Variants in PKN2 observed in about 807,000 individuals in gnomAD.
PKN2 encodes protein kinase N2, also known as serine/threonine-protein kinase N2.
PKN2 carries 38 observed loss-of-function variants against 119.1 expected under a neutral mutation model. The observed-to-expected ratio is 0.32, with a 90% CI of 0.25 to 0.42. The LOEUF is 0.42. PKN2 is among the 10% of genes least tolerant of loss of function. The pLI is 1.00. For missense variants in PKN2, 850 were observed against 1,165.1 expected, an observed-to-expected ratio of 0.73 and a Z score of 3.94; for synonymous variants, 390 against 384.9, an observed-to-expected ratio of 1.01 and a Z score of -0.15.
chr1:88,770,961 C>G (rs1181958171), intron 4 of PKN2, among the ~76,000 whole-genome samples: 2 of 148,704 alleles, frequency 1.3e-5, no homozygotes, highest in Non-Finnish European at 3.0e-5. Context: ...CCTTATGTTT[C>G]AAGAAGATAT....
Position 88,784,626 on chromosome 1 carries a change from T to C in PKN2, c.986-13T>C, listed in dbSNP as rs754275146. 2 of 1,532,022 alleles carry C rather than the reference T, an allele frequency of 1.3e-6. No individual in the cohort carries two copies. The highest frequency in any genetic ancestry group is 4.7e-5 in the East Asian group (2 of 42,202). 94.9% of individuals were successfully genotyped at this position (1,532,022 alleles called of 1,614,324 possible). On this transcript the variant is annotated splice_polypyrimidine_tract_variant and intron_variant, in intron 6 of 21. Coordinates refer to ENST00000370521, the MANE Select transcript of PKN2 (RefSeq NM_006256.4). ...GGTTGATGTTCTTATCTGATATTTA[T>C]GTTTGCCAACAGGTACTTTGGAAGT...
intron 1 of PKN2, among the ~76,000 whole-genome samples, chr1:88,697,529 T>A (rs1343267970): frequency 1.3e-5 from 2 of 152,196 alleles, no homozygotes; most frequent in Non-Finnish European, 2.9e-5. Context: ...ATGATTATAA[T>A]ATCTTGATAT....
chr1:88,810,267 T>G (rs1187752517), intron 15 of PKN2, among the ~76,000 whole-genome samples: 1 of 151,942 alleles, frequency 6.6e-6, no homozygotes, highest in Non-Finnish European at 1.5e-5. Context: ...ATTACAGGCT[T>G]GCACCACCAT....
At chr1:88,805,694 A>G (rs1366668746) in intron 11 of PKN2, 23 bp downstream of exon 11, 2 of 1,611,950 alleles carry the variant, frequency 1.2e-6, no homozygotes, top group Non-Finnish European at 8.5e-7. Context: ...GATTTTAAGC[A>G]TCTCTTATAC....
chr1:88,716,885 A>G (rs537867371), intron 1 of PKN2, among the ~76,000 whole-genome samples: 4 of 152,248 alleles, frequency 2.6e-5, no homozygotes, highest in South Asian at 4.1e-4. Flanking sequence ...GTTTCTTCCT[A>G]TCATCGATGG....
At chr1:88,793,002 C>G (rs1181958592) in intron 8 of PKN2, among the ~76,000 whole-genome samples, 1 of 152,166 alleles carries the variant, frequency 6.6e-6, no homozygotes, top group Non-Finnish European at 1.5e-5. Context: ...ATGAACTGCT[C>G]AGGCAGAAAT....
chr1:88,743,373 C>G (rs1557581609), intron 2 of PKN2, among the ~76,000 whole-genome samples: 1 of 152,094 alleles, frequency 6.6e-6, no homozygotes, highest in Non-Finnish European at 1.5e-5. Flanking sequence ...CCCATGATCC[C>G]CAACCCTGGC....
chr1:88,826,505 T>A (rs1672506690), intron 18 of PKN2, among the ~76,000 whole-genome samples: 1 of 152,132 alleles, frequency 6.6e-6, no homozygotes, highest in Non-Finnish European at 1.5e-5. Context: ...AGTGGTGAAA[T>A]CAAGGCTTTT....
intron 1 of PKN2, among the ~76,000 whole-genome samples, chr1:88,736,421 T>A (rs1668353330): frequency 6.6e-6 from 1 of 152,096 alleles, no homozygotes; most frequent in African/African-American, 2.4e-5. Flanking sequence ...TGGAGTGCAG[T>A]GGAATGATCT....
chr1:88,728,477 T>G (rs765435904), intron 1 of PKN2, among the ~76,000 whole-genome samples: 1 of 152,184 alleles, frequency 6.6e-6, no homozygotes, highest in East Asian at 1.9e-4. Flanking sequence ...TCTAATGTCT[T>G]TCTTCTCACT....
chr1:88,735,616 C>A (rs943153925), intron 1 of PKN2, among the ~76,000 whole-genome samples: 4 of 79,504 alleles, frequency 5.0e-5, no homozygotes, highest in African/African-American at 1.4e-4. Context: ...CCCCCCCCCC[C>A]ACCCCCAATC....
chr1:88,805,367 G>GT (rs1671495477), intron 10 of PKN2, 130 bp from the exon 11 acceptor site: 1 of 760,602 alleles, frequency 1.3e-6, no homozygotes, highest in Non-Finnish European at 2.0e-6. Flanking sequence ...TAAAAAACTA[G>GT]TTTTTTTAAG....
intron 1 of PKN2, among the ~76,000 whole-genome samples, chr1:88,736,635 G>A (rs1394045574): frequency 3.3e-5 from 5 of 152,142 alleles, no homozygotes; most frequent in East Asian, 3.9e-4. Context: ...AGTTGTTGGC[G>A]TGAGCCACTG....
At chr1:88,787,129 C>T (rs1044891406) in intron 8 of PKN2, among the ~76,000 whole-genome samples, 4 of 151,614 alleles carry the variant, frequency 2.6e-5, no homozygotes, top group Non-Finnish European at 4.4e-5. Context: ...CTTGCATTGC[C>T]GGTACATTTA....
chr1:88,715,498 G>A (rs1667411068), intron 1 of PKN2, among the ~76,000 whole-genome samples: 1 of 152,148 alleles, frequency 6.6e-6, no homozygotes. Context: ...AGTCTTGGGA[G>A]GGTGTATGTG....
chr1:88,759,340 G>A (rs1225209464), intron 2 of PKN2, among the ~76,000 whole-genome samples: 1 of 152,200 alleles, frequency 6.6e-6, no homozygotes, highest in Non-Finnish European at 1.5e-5. Context: ...TCCAGGCTGG[G>A]TGACAGAGCA....
intron 17 of PKN2, among the ~76,000 whole-genome samples, chr1:88,822,418 C>T (rs542886857): frequency 1.1e-4 from 17 of 152,218 alleles, no homozygotes; most frequent in African/African-American, 3.9e-4. Context: ...TTATTGTCAA[C>T]TGAACTAAAT....
intron 2 of PKN2, among the ~76,000 whole-genome samples, chr1:88,755,132 T>C (rs948425982): frequency 1.3e-5 from 2 of 152,052 alleles, no homozygotes; most frequent in African/African-American, 4.8e-5. Context: ...TTTTACAGAG[T>C]TTTTAAAAAA....
chr1:88,804,653 G>T, intron 9 of PKN2, 119 bp downstream of exon 9: 1 of 989,170 alleles, frequency 1.0e-6, no homozygotes. Flanking sequence ...GTTCTTGGCT[G>T]AGCTATGCCA....
Sources: allele counts gnomAD v4.1 joint callset (sites outside exome capture counted in the v4.1 genomes callset), GRCh38; gene constraint gnomAD v4.1.1; transcripts MANE v1.5; gene names NCBI Gene and HGNC (gene_info 2026-07-23, HGNC 2026-07-21).